The following GRIA1 variants were observed in gnomAD, a reference collection of about 807,000 sequenced individuals.
GRIA1 encodes the protein glutamate receptor 1.
Under a neutral mutation model 99.2 loss-of-function variants are expected in GRIA1, and 31 were observed. The observed-to-expected ratio is 0.31, with a 90% CI of 0.23 to 0.42. The LOEUF (loss-of-function observed/expected upper bound fraction) is 0.42, where lower values mean the gene tolerates loss of function less well. Ranked by LOEUF, GRIA1 falls within the 10% of genes least tolerant of loss-of-function variation. GRIA1 has a pLI of 1.00. For synonymous variants in GRIA1, 438 were observed against 432.4 expected, an observed-to-expected ratio of 1.01 and a Z score of -0.16; for missense variants, 782 against 1,157.5, an observed-to-expected ratio of 0.68 and a Z score of 4.71.
rs1359052927 is a variant in GRIA1 at position 153,699,028 on chromosome 5, T to C, written c.1407T>C (p.Pro469=). Residue 469 remains proline (P), a synonymous_variant, in exon 10 of 16, where the codon CCT becomes CCC. Transcript: ENST00000285900. ...ATGGAAAATACGGAGCCCGAGACCC[T>C]GACACGAAGGCCTGGAATGGCATGG... ...VSDGKYGARD[P]DTKAWNGMVG... The C allele has an allele frequency of 6.2e-7, 1 of 1,613,888 alleles. No individual in the cohort carries two copies. Among genetic ancestry groups the C allele is most frequent in the Non-Finnish European group, 8.5e-7 (1 of 1,179,948 alleles).
chr5:153,543,054 C>G (rs17589518), intron 2 of GRIA1, among the ~76,000 whole-genome samples: 57,278 of 152,104 alleles, frequency 0.38, 12,972 homozygotes, highest in Non-Finnish European at 0.51. Context: ...TGGGTCATAA[C>G]TAGTAAATGT....
chr5:153,565,167 T>C (rs952855668), intron 2 of GRIA1, among the ~76,000 whole-genome samples: 2 of 152,234 alleles, frequency 1.3e-5, no homozygotes, highest in African/African-American at 4.8e-5. Context: ...ATTCACCTAT[T>C]TTAGTTTCAG....
At chr5:153,760,026 A>G (rs903755877) in intron 11 of GRIA1, among the ~76,000 whole-genome samples, 1 of 152,060 alleles carries the variant, frequency 6.6e-6, no homozygotes, top group African/African-American at 2.4e-5. Flanking sequence ...TCAACAAATT[A>G]ACTATAGAAA....
intron 2 of GRIA1, among the ~76,000 whole-genome samples, chr5:153,617,602 G>T (rs1248273437): frequency 6.6e-6 from 1 of 152,148 alleles, no homozygotes; most frequent in Non-Finnish European, 1.5e-5. Flanking sequence ...TGAGTATACA[G>T]AATCTTTTCA....
At chr5:153,618,586 C>T (rs1413125871) in intron 2 of GRIA1, among the ~76,000 whole-genome samples, 3 of 152,100 alleles carry the variant, frequency 2.0e-5, no homozygotes, top group Admixed American at 6.5e-5. Flanking sequence ...AGGCTCACCA[C>T]GTATGGAGCA....
intron 12 of GRIA1, among the ~76,000 whole-genome samples, chr5:153,768,838 G>C (rs868620833): frequency 5.9e-5 from 9 of 152,144 alleles, no homozygotes; most frequent in Non-Finnish European, 7.4e-5. Flanking sequence ...AAAGTAGTCC[G>C]TTACATGTAT....
chr5:153,787,219 C>T (rs546525940), intron 13 of GRIA1, among the ~76,000 whole-genome samples: 12 of 152,280 alleles, frequency 7.9e-5, no homozygotes, highest in Admixed American at 2.0e-4. Context: ...ACAAGTTCAT[C>T]CTAGAAATTG....
At chr5:153,510,645 A>G (rs1035099580) in intron 2 of GRIA1, among the ~76,000 whole-genome samples, 1 of 152,190 alleles carries the variant, frequency 6.6e-6, no homozygotes, top group African/African-American at 2.4e-5. Context: ...AAGGCTTTGA[A>G]GGTCAGGAAT....
At chr5:153,545,462 A>T (rs1759523922) in intron 2 of GRIA1, among the ~76,000 whole-genome samples, 1 of 152,140 alleles carries the variant, frequency 6.6e-6, no homozygotes. Context: ...ATACAGGAAT[A>T]GTTGTATCCA....
intron 15 of GRIA1, among the ~76,000 whole-genome samples, chr5:153,803,870 G>T (rs1029766232): frequency 6.6e-6 from 1 of 151,964 alleles, no homozygotes; most frequent in East Asian, 1.9e-4. Flanking sequence ...CTCCGGGGTC[G>T]CCCTTGGAGA....
chr5:153,598,813 CACTA>C (rs1764642129), intron 2 of GRIA1, among the ~76,000 whole-genome samples: 2 of 151,162 alleles, frequency 1.3e-5, no homozygotes, highest in South Asian at 4.2e-4. Context: ...TTTTTTTTCT[CACTA>C]ACATTCAATA....
chr5:153,756,450 T>A (rs1762833621), intron 11 of GRIA1, among the ~76,000 whole-genome samples: 1 of 152,208 alleles, frequency 6.6e-6, no homozygotes, highest in South Asian at 2.1e-4. Flanking sequence ...TACAGGAAAC[T>A]GCTGGGAAGC....
intron 15 of GRIA1, among the ~76,000 whole-genome samples, chr5:153,808,068 A>G (rs1003264840): frequency 1.3e-5 from 2 of 152,248 alleles, no homozygotes; most frequent in Non-Finnish European, 2.9e-5. Context: ...GAGCAAAGAC[A>G]TTACTGAAGT....
intron 1 of GRIA1, chr5:153,492,436 A>C (rs1449680655): frequency 5.6e-6 from 5 of 899,470 alleles, no homozygotes; most frequent in Non-Finnish European, 7.6e-6. Flanking sequence ...CATTCATTGC[A>C]GAGGAGGAGA....
intron 5 of GRIA1, among the ~76,000 whole-genome samples, chr5:153,656,150 C>T (rs757729607): frequency 1.3e-5 from 2 of 152,106 alleles, no homozygotes; most frequent in Non-Finnish European, 1.5e-5. Context: ...GGCTCTGCCC[C>T]TTGGCAATAG....
intron 2 of GRIA1, among the ~76,000 whole-genome samples, chr5:153,612,606 T>G (rs1766091279): frequency 6.6e-6 from 1 of 152,260 alleles, no homozygotes; most frequent in Non-Finnish European, 1.5e-5. Context: ...ATCAGGCATA[T>G]GCAAATTGAA....
chr5:153,675,806 A>G (rs896651900), intron 6 of GRIA1, among the ~76,000 whole-genome samples: 9 of 152,178 alleles, frequency 5.9e-5, no homozygotes, highest in African/African-American at 2.2e-4. Flanking sequence ...TAATGATTGC[A>G]CTCCAATTTC....
intron 11 of GRIA1, among the ~76,000 whole-genome samples, chr5:153,738,874 C>T (rs1445832774): frequency 2.0e-5 from 3 of 151,844 alleles, no homozygotes; most frequent in African/African-American, 4.8e-5. Context: ...AGGCATGCAC[C>T]ACCACGTCCG....
chr5:153,556,259 A>G (rs1760634232), intron 2 of GRIA1, among the ~76,000 whole-genome samples: 2 of 149,320 alleles, frequency 1.3e-5, no homozygotes, highest in South Asian at 4.3e-4. Flanking sequence ...TGGTCCTTTT[A>G]GGAATTCAAC....
Sources: allele counts gnomAD v4.1 joint callset (sites outside exome capture counted in the v4.1 genomes callset), GRCh38; gene constraint gnomAD v4.1.1; transcripts MANE v1.5; gene names NCBI Gene and HGNC (gene_info 2026-07-23, HGNC 2026-07-21).